Variants in FGD6 observed in about 807,000 individuals in gnomAD.
The protein encoded by FGD6 is FYVE, RhoGEF and PH domain-containing protein 6.
A neutral mutation model predicts 149.4 loss-of-function variants in FGD6; 90 were observed. That is an observed-to-expected ratio of 0.60 (90% CI 0.51 to 0.72). The LOEUF is 0.72. FGD6 is among the 30% of genes least tolerant of loss of function. FGD6 has a pLI of 0.00. For synonymous variants in FGD6, 527 were observed against 584.0 expected, an observed-to-expected ratio of 0.90 and a Z score of 1.41; for missense variants, 1,437 against 1,684.8, an observed-to-expected ratio of 0.85 and a Z score of 2.57.
intron 8 of FGD6, chr12:95,126,291 G>A (rs985822318): frequency 8.3e-6 from 12 of 1,452,260 alleles, no homozygotes; most frequent in Non-Finnish European, 1.1e-5. Flanking sequence ...TGCCCAGAAA[G>A]CCACAGGCCA....
chr12:95,141,294 T>G, intron 6 of FGD6, 94 bp downstream of exon 6: 2 of 1,258,054 alleles, frequency 1.6e-6, no homozygotes, highest in South Asian at 2.9e-5. Flanking sequence ...AACAACTCAA[T>G]GTAATGAAAA....
intron 8 of FGD6, chr12:95,125,784 G>T: frequency 1.3e-6 from 1 of 742,612 alleles, no homozygotes; most frequent in Admixed American, 1.8e-5. Context: ...CTTCATGGAG[G>T]TTGGCTGGGC....
intron 5 of FGD6, among the ~76,000 whole-genome samples, chr12:95,145,683 G>GT (rs1390657136): frequency 6.6e-6 from 1 of 151,924 alleles, no homozygotes; most frequent in African/African-American, 2.4e-5. Flanking sequence ...TATGTCTGTT[G>GT]TTTTTTGTTT....
At position 95,209,484 on chromosome 12, in the gene FGD6, C is replaced by T. The variant is rs772884200; in HGVS notation, c.1800G>A (p.Lys600=). 12 of 1,612,422 alleles carry T rather than the reference C, an allele frequency of 7.4e-6. No individual in the cohort carries two copies. In the East Asian group the frequency reaches 2.7e-4, roughly 36 times the overall value. The change falls in exon 2 of 21, where the codon AAG becomes AAA. Residue 600 remains lysine, a synonymous_variant. Transcript: ENST00000343958. ...TAGCAGATAACGATTTTGCTCTGGG[C>T]TTGGTTAGGGCTGTTGAAGGCTCAC... ...SNSEPSTALT[K]PRAKSLSAMD...
chr12:95,098,724 A>C (rs1878320744), intron 14 of FGD6, among the ~76,000 whole-genome samples: 1 of 152,154 alleles, frequency 6.6e-6, no homozygotes, highest in Non-Finnish European at 1.5e-5. Flanking sequence ...TTGCAGTTTA[A>C]GGTCCTTTGC....
chr12:95,105,043 A>G lies in FGD6; in HGVS notation c.3461T>C (p.Ile1154Thr), dbSNP rs746388002. 1.2e-6 allele frequency: 2 copies of G among 1,609,432 alleles called. No homozygotes were observed. The highest frequency in any genetic ancestry group is 1.7e-6 in the Non-Finnish European group (2 of 1,178,954). ...TQEAYQNELKIESVERSFILS... is the reference protein window; with the variant it reads ...TQEAYQNELKTESVERSFILS... ...AATGAAGGAACGTTCTACACTTTCAATCTTTAATTCATTCTGATAGGCTTC... is the reference window on the plus strand; with the variant it reads ...AATGAAGGAACGTTCTACACTTTCAGTCTTTAATTCATTCTGATAGGCTTC... Residue 1154 changes from isoleucine (I) to threonine (T), a missense_variant, in exon 14 of 21, where the codon ATT (isoleucine) becomes ACT (threonine). Ile to Thr is a moderately conservative substitution (Grantham distance 89, BLOSUM62 -1). Coordinates refer to ENST00000343958, the MANE Select transcript of FGD6 (RefSeq NM_018351.4).
chr12:95,127,613 C>T (rs1166132005), intron 8 of FGD6, among the ~76,000 whole-genome samples: 2 of 152,164 alleles, frequency 1.3e-5, no homozygotes, highest in East Asian at 3.9e-4. Context: ...CTGTACATAG[C>T]TCAAATTTAT....
chr12:95,216,100 C>A (rs2056768427), intron 1 of FGD6, among the ~76,000 whole-genome samples: 1 of 152,210 alleles, frequency 6.6e-6, no homozygotes. Context: ...TTCTTGCTTT[C>A]TTTTCCTATT....
intron 2 of FGD6, among the ~76,000 whole-genome samples, chr12:95,204,709 C>T (rs564943412): frequency 6.3e-4 from 85 of 135,488 alleles, no homozygotes; most frequent in South Asian, 2.4e-3. Flanking sequence ...TGCATGCACG[C>T]GCACACACAC....
At chr12:95,185,029 A>G (rs1281758488) in intron 2 of FGD6, among the ~76,000 whole-genome samples, 1 of 151,572 alleles carries the variant, frequency 6.6e-6, no homozygotes, top group Admixed American at 6.6e-5. Context: ...GCCAGCCACC[A>G]TGCCCAGCTA....
chr12:95,179,884 G>A (rs1881230173), intron 2 of FGD6, among the ~76,000 whole-genome samples: 1 of 152,058 alleles, frequency 6.6e-6, no homozygotes. Context: ...TTTGAGACCA[G>A]CCTGACCAAC....
At position 95,134,817 on chromosome 12, in the gene FGD6, G is replaced by A. The variant is rs117456480; in HGVS notation, c.3004C>T (p.Arg1002Cys). Reference sequence around the variant, plus strand: ...TGCTTGAGGGCCAGATTAGCACAGCGAGGGCTCATCTGAAAGGAGAAGGCA... The same window carrying A: ...TGCTTGAGGGCCAGATTAGCACAGCAAGGGCTCATCTGAAAGGAGAAGGCA... ...AVVREFEMSP[R>C]CANLALKHYL... Residue 1002 changes from arginine to cysteine, a missense_variant, in exon 8 of 21, where the codon CGC (arginine) becomes TGC (cysteine). By Grantham distance (180) the Arg-to-Cys change is radical. Transcript: ENST00000343958. 7,265 of 1,612,666 alleles carry A rather than the reference G, an allele frequency of 4.5e-3. 30 individuals are homozygous for A. The highest frequency in any genetic ancestry group is 5.3e-3 in the Non-Finnish European group (6,238 of 1,179,306).
At chr12:95,131,653 G>A (rs1359343340) in intron 8 of FGD6, among the ~76,000 whole-genome samples, 1 of 152,158 alleles carries the variant, frequency 6.6e-6, no homozygotes, top group Non-Finnish European at 1.5e-5. Context: ...GGCATAGGAT[G>A]AAGAATACAA....
chr12:95,153,912 C>T (rs1880380712), intron 3 of FGD6, among the ~76,000 whole-genome samples: 1 of 141,318 alleles, frequency 7.1e-6, no homozygotes, highest in Non-Finnish European at 1.5e-5. Flanking sequence ...AAATGAAATT[C>T]GTGTGTGTGT....
chr12:95,164,464 C>G (rs924560155), intron 3 of FGD6, among the ~76,000 whole-genome samples: 1 of 151,956 alleles, frequency 6.6e-6, no homozygotes, highest in East Asian at 1.9e-4. Context: ...GAGTCTTGCT[C>G]TATCACCCAG....
At chr12:95,176,837 A>C (rs184910479) in intron 2 of FGD6, among the ~76,000 whole-genome samples, 42 of 152,094 alleles carry the variant, frequency 2.8e-4, no homozygotes, top group African/African-American at 9.9e-4. Flanking sequence ...TTATTTTATT[A>C]TTATTTTTTG....
chr12:95,128,423 T>C (rs1308484201), intron 8 of FGD6, among the ~76,000 whole-genome samples: 12 of 152,170 alleles, frequency 7.9e-5, no homozygotes, highest in Non-Finnish European at 7.3e-5. Flanking sequence ...TTTTCTTTTG[T>C]AGAGACAGGG....
At chr12:95,136,151 A>T (rs192065718) in intron 7 of FGD6, among the ~76,000 whole-genome samples, 1 of 152,254 alleles carries the variant, frequency 6.6e-6, no homozygotes, top group East Asian at 1.9e-4. Context: ...TGAGATCAGG[A>T]GTTCGAGACC....
intron 2 of FGD6, among the ~76,000 whole-genome samples, chr12:95,205,126 G>C (rs2056686764): frequency 6.6e-6 from 1 of 152,050 alleles, no homozygotes; most frequent in Admixed American, 6.6e-5. Context: ...AAATTAGATG[G>C]GTGTGGTGGC....
Sources: allele counts gnomAD v4.1 joint callset (sites outside exome capture counted in the v4.1 genomes callset), GRCh38; gene constraint gnomAD v4.1.1; transcripts MANE v1.5; gene names NCBI Gene and HGNC (gene_info 2026-07-23, HGNC 2026-07-21).